PAM: variants seen among roughly 807,000 people sequenced by gnomAD.
PAM encodes peptidylglycine alpha-amidating monooxygenase, also known as peptidyl-glycine alpha-amidating monooxygenase.
Under a neutral mutation model 122.1 loss-of-function variants are expected in PAM, and 72 were observed. The ratio of observed to expected loss-of-function variants is 0.59; its 90% confidence interval spans 0.49 to 0.72. The LOEUF (loss-of-function observed/expected upper bound fraction) is 0.72, where lower values mean the gene tolerates loss of function less well. Among genes scored for constraint, PAM ranks in the 30% least tolerant of loss-of-function variants. The pLI, the probability that PAM is intolerant of heterozygous loss-of-function variation, is 0.00. For synonymous variants in PAM, 389 were observed against 404.4 expected (o/e 0.96, Z 0.46); for missense variants, 1,106 against 1,183.7 (o/e 0.93, Z 0.96).
intron 1 of PAM, among the ~76,000 whole-genome samples, chr5:102,814,824 C>G (rs896429835): frequency 3.3e-5 from 5 of 151,806 alleles, no homozygotes; most frequent in Admixed American, 1.3e-4. Flanking sequence ...TGTATCTCTG[C>G]CCTATGCTTT....
At chr5:102,794,551 G>A (rs1331193790) in intron 1 of PAM, among the ~76,000 whole-genome samples, 2 of 129,764 alleles carry the variant, frequency 1.5e-5, no homozygotes, top group African/African-American at 5.8e-5. Flanking sequence ...AGGAAGGTTA[G>A]GTGAAAAAAA....
At chr5:102,841,975 G>A (rs189403804) in intron 1 of PAM, among the ~76,000 whole-genome samples, 4 of 152,002 alleles carry the variant, frequency 2.6e-5, no homozygotes, top group East Asian at 3.9e-4. Context: ...AATTTAATAC[G>A]GCTATACACA....
chr5:103,015,885 T>A (rs575117802), intron 21 of PAM, among the ~76,000 whole-genome samples: 2 of 152,210 alleles, frequency 1.3e-5, no homozygotes, highest in East Asian at 3.9e-4. Flanking sequence ...CAGTGAATAG[T>A]TTACACATTC....
intron 1 of PAM, among the ~76,000 whole-genome samples, chr5:102,795,442 T>A (rs954473510): frequency 6.6e-6 from 1 of 152,104 alleles, no homozygotes; most frequent in Non-Finnish European, 1.5e-5. Flanking sequence ...CCACTAACAG[T>A]TTAAAAGTGC....
At chr5:102,957,594 G>A (rs1451273327) in intron 12 of PAM, among the ~76,000 whole-genome samples, 1 of 151,694 alleles carries the variant, frequency 6.6e-6, no homozygotes, top group East Asian at 1.9e-4. Flanking sequence ...AGTGGCGTGA[G>A]ATCTCAGCTC....
intron 1 of PAM, among the ~76,000 whole-genome samples, chr5:102,854,917 G>A (rs939283531): frequency 6.6e-6 from 1 of 152,168 alleles, no homozygotes; most frequent in Non-Finnish European, 1.5e-5. Flanking sequence ...AACTGTTAGT[G>A]CTATAGACTA....
intron 3 of PAM, among the ~76,000 whole-genome samples, chr5:102,883,439 A>G (rs561634891): frequency 3.2e-4 from 48 of 152,084 alleles, no homozygotes; most frequent in African/African-American, 1.2e-3. Flanking sequence ...CTCCTTGGTT[A>G]AATATATTCC....
At chr5:102,936,667 G>A (rs1214602884) in intron 7 of PAM, among the ~76,000 whole-genome samples, 1 of 152,014 alleles carries the variant, frequency 6.6e-6, no homozygotes, top group African/African-American at 2.4e-5. Flanking sequence ...GAAAAGTATT[G>A]TATATTTTAT....
At chr5:102,852,331 A>G (rs1781529063) in intron 1 of PAM, among the ~76,000 whole-genome samples, 1 of 152,218 alleles carries the variant, frequency 6.6e-6, no homozygotes, top group Non-Finnish European at 1.5e-5. Context: ...ATTTTTAAAT[A>G]AGAATAAATA....
chr5:103,017,059 G>A (rs988158927), intron 21 of PAM, among the ~76,000 whole-genome samples: 4 of 152,134 alleles, frequency 2.6e-5, no homozygotes, highest in African/African-American at 4.8e-5. Flanking sequence ...TAATATACCT[G>A]TAAATTTTCA....
intron 14 of PAM, among the ~76,000 whole-genome samples, chr5:102,965,473 C>G (rs934540586): frequency 6.6e-6 from 1 of 151,686 alleles, no homozygotes; most frequent in Non-Finnish European, 1.5e-5. Flanking sequence ...TTGAAACTTA[C>G]GTCTGTTGTA....
intron 9 of PAM, 118 bp downstream of exon 9, chr5:102,948,563 T>C (rs1757750568): frequency 1.7e-6 from 1 of 604,738 alleles, no homozygotes; most frequent in South Asian, 2.4e-5. Flanking sequence ...CTTGGAAAAA[T>C]GAACCAATAC....
chr5:102,821,415 A>G (rs1309465286), intron 1 of PAM, among the ~76,000 whole-genome samples: 1 of 152,232 alleles, frequency 6.6e-6, no homozygotes, highest in African/African-American at 2.4e-5. Flanking sequence ...CTCTTCCTCT[A>G]ACTGGCGCTG....
intron 1 of PAM, among the ~76,000 whole-genome samples, chr5:102,793,749 T>C (rs975599944): frequency 2.6e-5 from 4 of 152,240 alleles, no homozygotes; most frequent in Admixed American, 6.5e-5. Context: ...TTAAATGCTT[T>C]AAGTAATTAT....
intron 7 of PAM, among the ~76,000 whole-genome samples, chr5:102,944,585 C>T (rs1277821859): frequency 6.6e-6 from 1 of 152,022 alleles, no homozygotes; most frequent in Non-Finnish European, 1.5e-5. Context: ...TTTCTACAAA[C>T]CTAGGATCCC....
At chr5:102,821,991 A>C (rs961946297) in intron 1 of PAM, among the ~76,000 whole-genome samples, 1 of 152,180 alleles carries the variant, frequency 6.6e-6, no homozygotes, top group Middle Eastern at 3.2e-3. Context: ...AAGAAAGACT[A>C]ATAAAAGCAA....
intron 2 of PAM, chr5:102,866,832 GAA>G (rs1785724749): frequency 6.5e-6 from 1 of 153,958 alleles, no homozygotes; most frequent in Non-Finnish European, 1.4e-5. Flanking sequence ...TCTGGACACT[GAA>G]AATAGTTACA....
chr5:102,772,469 G>C (rs910890501), intron 1 of PAM, among the ~76,000 whole-genome samples: 4 of 152,060 alleles, frequency 2.6e-5, no homozygotes, highest in African/African-American at 4.8e-5. Context: ...TAGAGCAAAA[G>C]GGGATTGCAT....
At chr5:102,867,003 AAAC>A (rs1426481510) in intron 2 of PAM, among the ~76,000 whole-genome samples, 1 of 152,184 alleles carries the variant, frequency 6.6e-6, no homozygotes, top group Non-Finnish European at 1.5e-5. Context: ...TTTTCAATAA[AAAC>A]AAGTTTTTAT....
Sources: gnomAD v4.1 joint callset for allele counts (sites outside exome capture counted in the v4.1 genomes callset) on GRCh38, gnomAD v4.1.1 for gene constraint, MANE v1.5 for transcripts, NCBI Gene and HGNC (gene_info 2026-07-23, HGNC 2026-07-21) for gene names.